HLF: variants seen among roughly 807,000 people sequenced by gnomAD.
The protein encoded by HLF is HLF transcription factor, PAR bZIP family member.
Under a neutral mutation model 22.6 loss-of-function variants are expected in HLF, and 3 were observed. The ratio of observed to expected loss-of-function variants is 0.13; its 90% CI spans 0.06 to 0.34. The LOEUF is 0.34. Ranked by LOEUF, HLF falls within the 10% of genes least tolerant of loss-of-function variation. The probability of loss-of-function intolerance (pLI) is 1.00; values close to 1 mark genes in which losing one functional copy is unlikely to be tolerated. For missense variants in HLF, 299 were observed against 389.2 expected, an observed-to-expected ratio of 0.77 and a Z score of 1.95; for synonymous variants, 151 against 151.8, an observed-to-expected ratio of 0.99 and a Z score of 0.04.
chr17:55,313,067 G>A (rs2145367679), intron 2 of HLF, among the ~76,000 whole-genome samples: 1 of 152,306 alleles, frequency 6.6e-6, no homozygotes, highest in African/African-American at 2.4e-5. Context: ...CACGTACCTT[G>A]TCTGTGGTCC....
At chr17:55,295,458 C>T (rs1249052399) in intron 2 of HLF, among the ~76,000 whole-genome samples, 1 of 152,204 alleles carries the variant, frequency 6.6e-6, no homozygotes, top group African/African-American at 2.4e-5. Flanking sequence ...TTCAGAGGGG[C>T]TAACTCCCTC....
Position 55,267,756 on chromosome 17 carries a change from A to G in HLF, c.121A>G (p.Ser41Gly). The part of the protein sequence containing the change: ...KLPLHHEDAF[S>G]KDKDKEKKLD... ...AGCTTTCCCTTCTTCTGCAGCATTTAGTAAAGATAAAGACAAGGAAAAGAA... is the reference window on the plus strand; with the variant it reads ...AGCTTTCCCTTCTTCTGCAGCATTTGGTAAAGATAAAGACAAGGAAAAGAA... Residue 41 changes from serine to glycine, a missense_variant, in exon 2 of 4, where the codon AGT (serine) becomes GGT (glycine). Coordinates refer to ENST00000226067, the MANE Select transcript of HLF (RefSeq NM_002126.5). The G allele has an allele frequency of 6.4e-7, 1 of 1,562,664 alleles. No homozygotes were observed.
Position 55,321,458 on chromosome 17 carries a change from CAAATT to C in HLF, c.*583_*587del, listed in dbSNP as rs1905260180. 1 of 231,644 alleles carries C rather than the reference CAAATT, an allele frequency of 4.3e-6. No individual in the cohort carries two copies. 14.3% of individuals were successfully genotyped at this position (231,644 alleles called of 1,614,324 possible). A position where few individuals can be genotyped will look rare whatever the true frequency, so the allele number is the denominator to read the frequency against. On this transcript the variant is annotated 3_prime_UTR_variant, in exon 4 of 4. Transcript: ENST00000226067. ...TTTCAGTTTTGGTGATAATCGTCTT[CAAATT>C]AAAGTGCTGTTTAGATTTATTAGAT...
chr17:55,298,154 T>TC, intron 2 of HLF, among the ~76,000 whole-genome samples: 2 of 152,156 alleles, frequency 1.3e-5, no homozygotes, highest in Non-Finnish European at 2.9e-5. Context: ...ACCAACTGAC[T>TC]CCCATGATTA....
chr17:55,319,090 T>C (rs1192340732), intron 3 of HLF: 4 of 152,248 alleles, frequency 2.6e-5, no homozygotes, highest in Non-Finnish European at 5.9e-5. Flanking sequence ...TTTTACCCTG[T>C]TGCATATTGT....
chr17:55,322,437 A>G lies in HLF; in HGVS notation c.*1558A>G, dbSNP rs1905293182. 4.9e-6 allele frequency: 1 copy of G among 202,040 alleles called. No individual in the cohort carries two copies. The highest frequency in any genetic ancestry group is 2.3e-5 in the African/African-American group (1 of 43,626). 12.5% of individuals were successfully genotyped at this position (202,040 alleles called of 1,614,324 possible). The stretch of plus-strand genomic sequence containing the variant: ...TTCCATGTTTTAAAATTATATAGCA[A>G]AGATATATATTCACCAATGTTGTAC... On this transcript the variant is annotated 3_prime_UTR_variant, in exon 4 of 4. Coordinates refer to ENST00000226067, the MANE Select transcript of HLF (RefSeq NM_002126.5).
intron 2 of HLF, among the ~76,000 whole-genome samples, chr17:55,269,666 C>A (rs1399986710): frequency 6.6e-6 from 1 of 152,244 alleles, no homozygotes; most frequent in East Asian, 1.9e-4. Context: ...AGAGATAATA[C>A]GTATAAAGGG....
intron 2 of HLF, among the ~76,000 whole-genome samples, chr17:55,297,896 C>A (rs1338370564): frequency 6.6e-6 from 1 of 151,796 alleles, no homozygotes; most frequent in Non-Finnish European, 1.5e-5. Context: ...ATTACAGGTG[C>A]CCACCACCAT....
rs897728378 is a variant in HLF, at chr17:55,301,394, G to A, written c.452-13833G>A. Among the ~76,000 whole-genome samples the A allele has an allele frequency of 2.6e-5, 4 of 152,264 alleles. No homozygotes were observed. In the East Asian group the frequency reaches 5.8e-4, roughly 22 times the overall value. On this transcript the variant is annotated intron_variant, in intron 2 of 3. Coordinates refer to ENST00000226067, the MANE Select transcript of HLF (RefSeq NM_002126.5). ...CATAGTTTATCATTTTCTGTGTAAG[G>A]CAGTGGCATGGCCTTTGCCTGGAAA... is the stretch of plus-strand genomic sequence containing the variant.
chr17:55,309,940 GC>G (rs1337678427), intron 2 of HLF, among the ~76,000 whole-genome samples: 2 of 152,350 alleles, frequency 1.3e-5, no homozygotes, highest in East Asian at 3.9e-4. Context: ...AAGACAGAGT[GC>G]TGCTGTTCCC....
intron 2 of HLF, among the ~76,000 whole-genome samples, chr17:55,277,628 G>A (rs537820176): frequency 2.6e-5 from 4 of 151,938 alleles, no homozygotes; most frequent in African/African-American, 9.7e-5. Flanking sequence ...ATCGGATTGG[G>A]GGGGGTTGGA....
intron 2 of HLF, among the ~76,000 whole-genome samples, chr17:55,297,121 G>A (rs140110603): frequency 7.9e-5 from 12 of 152,276 alleles, no homozygotes; most frequent in African/African-American, 2.2e-4. Flanking sequence ...CATTTCTTCT[G>A]AAATTTCTGT....
At chr17:55,309,454 G>T (rs1041724930) in intron 2 of HLF, among the ~76,000 whole-genome samples, 1 of 152,252 alleles carries the variant, frequency 6.6e-6, no homozygotes, top group Middle Eastern at 3.4e-3. Flanking sequence ...CCTGATGATG[G>T]TATCATCATC....
chr17:55,272,133 A>C (rs1042149124), intron 2 of HLF: 4 of 152,264 alleles, frequency 2.6e-5, no homozygotes, highest in African/African-American at 9.6e-5. Flanking sequence ...TTCCTAGGCC[A>C]GCAGAGATGA....
chr17:55,325,078 T>C lies in HLF; in HGVS notation c.*4199T>C, dbSNP rs1317370917. 9.8e-6 allele frequency: 2 copies of C among 203,192 alleles called. No homozygotes were observed. Among genetic ancestry groups the C allele is most frequent in the Admixed American group, 1.2e-4 (2 of 16,702 alleles). 12.6% of individuals were successfully genotyped at this position (203,192 alleles called of 1,614,324 possible). A position where few individuals can be genotyped will look rare whatever the true frequency, so the allele number is the denominator to read the frequency against. On this transcript the variant is annotated 3_prime_UTR_variant, in exon 4 of 4. Transcript: ENST00000226067. ...ATTTTTTCCTTTCTTTCATGTATTTTTATTAACAGTTGGCTAGCAATGGTA... is the reference window on the plus strand; with the variant it reads ...ATTTTTTCCTTTCTTTCATGTATTTCTATTAACAGTTGGCTAGCAATGGTA...
At chr17:55,274,803 A>C (rs938622955) in intron 2 of HLF, among the ~76,000 whole-genome samples, 2 of 152,234 alleles carry the variant, frequency 1.3e-5, no homozygotes, top group East Asian at 3.9e-4. Flanking sequence ...CCTCGCACAC[A>C]GCAAGTGCTT....
intron 2 of HLF, among the ~76,000 whole-genome samples, chr17:55,301,309 G>A (rs2081155584): frequency 6.6e-6 from 1 of 152,228 alleles, no homozygotes; most frequent in Non-Finnish European, 1.5e-5. Flanking sequence ...CTCAGAGCCT[G>A]GCTCATAGTA....
intron 2 of HLF, among the ~76,000 whole-genome samples, chr17:55,308,963 A>G (rs1598406921): frequency 6.6e-6 from 1 of 152,190 alleles, no homozygotes; most frequent in Non-Finnish European, 1.5e-5. Flanking sequence ...GTTTATGGTA[A>G]TGACAGAAGT....
rs916741962 is a variant in HLF, at chr17:55,287,393, G to A, written c.451+19307G>A. Among the ~76,000 whole-genome samples, 8 of 151,896 alleles carry A rather than the reference G, an allele frequency of 5.3e-5. No individual in the cohort carries two copies. The East Asian group carries it at 1.5e-3, about 29-fold the overall frequency. On this transcript the variant is annotated intron_variant, in intron 2 of 3. Coordinates refer to ENST00000226067, the MANE Select transcript of HLF (RefSeq NM_002126.5). ...AGGGTCAGTTCTGCATTACTCATGT[G>A]TAGATTATCTCTTTGGTATACTAGC...
Sources: allele counts gnomAD v4.1 joint callset (sites outside exome capture counted in the v4.1 genomes callset), GRCh38; gene constraint gnomAD v4.1.1; transcripts MANE v1.5; gene names NCBI Gene and HGNC (gene_info 2026-07-23, HGNC 2026-07-21).